ADARB2: variants seen among roughly 807,000 people sequenced by gnomAD.
The protein encoded by ADARB2 is adenosine deaminase RNA specific B2 (inactive).
Under a neutral mutation model 62.2 loss-of-function variants are expected in ADARB2, and 25 were observed. The observed-to-expected ratio is 0.40, with a 90% confidence interval of 0.29 to 0.56. ADARB2 has a LOEUF of 0.56. ADARB2 is among the 20% of genes least tolerant of loss of function. ADARB2 has a pLI of 0.43. For missense variants in ADARB2, 1,071 were observed against 1,077.4 expected, an observed-to-expected ratio of 0.99 and a Z score of 0.08; for synonymous variants, 572 against 500.8, an observed-to-expected ratio of 1.14 and a Z score of -1.90.
chr10:1,670,724 C>T (rs189241862), intron 1 of ADARB2, among the ~76,000 whole-genome samples: 7 of 152,322 alleles, frequency 4.6e-5, no homozygotes, highest in South Asian at 4.1e-4. Flanking sequence ...AAACACGTCA[C>T]GGAGGCCGGG....
At chr10:1,332,558 T>C (rs1367025342) in intron 3 of ADARB2, among the ~76,000 whole-genome samples, 1 of 150,290 alleles carries the variant, frequency 6.7e-6, no homozygotes, top group Admixed American at 6.7e-5. Flanking sequence ...GAATGGCATA[T>C]TTTTGATATT....
chr10:1,206,709 C>T (rs1020202122), intron 7 of ADARB2, among the ~76,000 whole-genome samples: 2 of 152,182 alleles, frequency 1.3e-5, no homozygotes, highest in Non-Finnish European at 1.5e-5. Flanking sequence ...TCCGTCTCTG[C>T]GTCTCTGTAT....
chr10:1,345,025 C>T (rs1274735541), intron 3 of ADARB2, among the ~76,000 whole-genome samples: 1 of 152,156 alleles, frequency 6.6e-6, no homozygotes, highest in Non-Finnish European at 1.5e-5. Context: ...CCCAGAAGGG[C>T]ACATGGAGGA....
At chr10:1,643,363 C>T (rs758311029) in intron 1 of ADARB2, among the ~76,000 whole-genome samples, 3 of 152,178 alleles carry the variant, frequency 2.0e-5, no homozygotes, top group Non-Finnish European at 4.4e-5. Context: ...TCATTTTTCC[C>T]CGCACTCACT....
chr10:1,189,146 G>A (rs1274879161), intron 8 of ADARB2, among the ~76,000 whole-genome samples: 3 of 152,150 alleles, frequency 2.0e-5, no homozygotes, highest in Admixed American at 6.5e-5. Flanking sequence ...TGGGACATCA[G>A]GTCACTCCAG....
At chr10:1,272,083 C>T (rs1053568518) in intron 3 of ADARB2, among the ~76,000 whole-genome samples, 1 of 152,246 alleles carries the variant, frequency 6.6e-6, no homozygotes, top group African/African-American at 2.4e-5. Context: ...ACGGCTGTGA[C>T]TATTACTCTT....
Position 1,305,196 on chromosome 10 carries a change from G to A in ADARB2, c.1078-34127C>T, listed in dbSNP as rs1204291597. Among the ~76,000 whole-genome samples, 74 of 143,176 alleles carry A rather than the reference G, an allele frequency of 5.2e-4. No homozygotes were observed. The East Asian group carries it at 0.011, about 21-fold the overall frequency. 93.9% of individuals were successfully genotyped at this position (143,176 alleles called of 152,430 possible). ...AAAAAGAGAGAAGAATCAAATAGACGCAATAAAAAATGATAAAGGGGATAT... is the reference window on the plus strand; with the variant it reads ...AAAAAGAGAGAAGAATCAAATAGACACAATAAAAAATGATAAAGGGGATAT... On this transcript the variant is annotated intron_variant, in intron 3 of 9. Coordinates refer to ENST00000381312, the MANE Select transcript of ADARB2 (RefSeq NM_018702.4).
Position 1,572,558 on chromosome 10 carries a change from T to C in ADARB2, c.100+164493A>G, listed in dbSNP as rs376901539. On this transcript the variant is annotated intron_variant, in intron 1 of 9. Transcript: ENST00000381312. ...GACAAGTGCCCAAGTCTTGTCATTC[T>C]CACTTATAAAATGGAAGGACCACCT... is the stretch of plus-strand genomic sequence containing the variant. 1.6e-4 allele frequency among the ~76,000 whole-genome samples: 24 copies of C among 152,334 alleles called. No homozygotes were observed. The East Asian group carries it at 4.2e-3, about 27-fold the overall frequency.
At chr10:1,720,018 T>C (rs1018860615) in intron 1 of ADARB2, among the ~76,000 whole-genome samples, 2 of 152,224 alleles carry the variant, frequency 1.3e-5, no homozygotes, top group African/African-American at 4.8e-5. Flanking sequence ...GTCACATTCC[T>C]GGGGGTATAC....
At chr10:1,524,094 ATAGATAG>A (rs1832109811) in intron 1 of ADARB2, among the ~76,000 whole-genome samples, 4 of 152,244 alleles carry the variant, frequency 2.6e-5, no homozygotes, top group Non-Finnish European at 4.4e-5. Flanking sequence ...AGATAGATAG[ATAGATAG>A]ATTAGAGAGA....
At chr10:1,475,835 G>C (rs766908244) in intron 1 of ADARB2, among the ~76,000 whole-genome samples, 3 of 152,152 alleles carry the variant, frequency 2.0e-5, no homozygotes, top group Non-Finnish European at 4.4e-5. Flanking sequence ...AAAGGCCACC[G>C]GCAATGAGGA....
At chr10:1,519,479 G>T (rs1832047468) in intron 1 of ADARB2, among the ~76,000 whole-genome samples, 1 of 152,158 alleles carries the variant, frequency 6.6e-6, no homozygotes, top group African/African-American at 2.4e-5. Context: ...GGTGTCATAT[G>T]CTTGCATCGT....
chr10:1,616,668 C>A (rs1833639339), intron 1 of ADARB2, among the ~76,000 whole-genome samples: 2 of 145,898 alleles, frequency 1.4e-5, no homozygotes, highest in African/African-American at 5.1e-5. Context: ...CCGCACCACC[C>A]TGCTGAGCTC....
At chr10:1,602,693 C>T (rs1056237372) in intron 1 of ADARB2, among the ~76,000 whole-genome samples, 1 of 22,408 alleles carries the variant, frequency 4.5e-5, no homozygotes, top group Non-Finnish European at 1.3e-4. Flanking sequence ...CACACCTGTA[C>T]ATACACACAT....
In ADARB2 at chr10:1,728,080, G is replaced by C. The variant is rs560063037; in HGVS notation, c.100+8971C>G. Among the ~76,000 whole-genome samples the C allele has an allele frequency of 2.0e-5, 3 of 152,306 alleles. No individual in the cohort carries two copies. In the East Asian group the frequency reaches 5.8e-4, roughly 29 times the overall value. ...TTTAATCAGGCACAGGAAGAGACTT[G>C]GAAGTTATTCTTTGTCTCTCTTTCC... On this transcript the variant is annotated intron_variant, in intron 1 of 9. Coordinates refer to ENST00000381312, the MANE Select transcript of ADARB2 (RefSeq NM_018702.4).
At chr10:1,262,142 TG>T (rs765884679) in intron 4 of ADARB2, among the ~76,000 whole-genome samples, 1 of 61,780 alleles carries the variant, frequency 1.6e-5, no homozygotes, top group Non-Finnish European at 2.8e-5. Flanking sequence ...GGGACTGTGG[TG>T]GGGTGGGGGG....
chr10:1,265,548 G>A (rs1267227469), intron 4 of ADARB2, among the ~76,000 whole-genome samples: 1 of 149,024 alleles, frequency 6.7e-6, no homozygotes, highest in East Asian at 2.0e-4. Context: ...CTGAGCGGGG[G>A]CCCAGGCTCT....
chr10:1,602,379 T>C (rs1400029521), intron 1 of ADARB2, among the ~76,000 whole-genome samples: 1 of 152,102 alleles, frequency 6.6e-6, no homozygotes, highest in Non-Finnish European at 1.5e-5. Flanking sequence ...ACATCAGCAA[T>C]TCCTCACACC....
At chr10:1,662,152 C>T (rs1314604313) in intron 1 of ADARB2, among the ~76,000 whole-genome samples, 1 of 152,178 alleles carries the variant, frequency 6.6e-6, no homozygotes, top group Non-Finnish European at 1.5e-5. Flanking sequence ...ATGTCCCAGA[C>T]TATTCTTGGA....
Sources: allele counts gnomAD v4.1 joint callset (sites outside exome capture counted in the v4.1 genomes callset), GRCh38; gene constraint gnomAD v4.1.1; transcripts MANE v1.5; gene names NCBI Gene and HGNC (gene_info 2026-07-23, HGNC 2026-07-21).